The following SIPA1L2 variants were observed in gnomAD, a reference collection of about 807,000 sequenced individuals.
SIPA1L2 encodes the protein signal induced proliferation associated 1 like 2.
In SIPA1L2, 56 loss-of-function variants were observed where a neutral mutation model predicts 163.9. The observed-to-expected ratio is 0.34, with a 90% CI of 0.28 to 0.43. The LOEUF (loss-of-function observed/expected upper bound fraction) is 0.43. Among genes scored for constraint, SIPA1L2 ranks in the 20% least tolerant of loss-of-function variants. SIPA1L2 has a pLI of 1.00. For missense variants in SIPA1L2, 1,974 were observed against 2,193.5 expected, an observed-to-expected ratio of 0.90 and a Z score of 2.00; for synonymous variants, 877 against 865.7, an observed-to-expected ratio of 1.01 and a Z score of -0.23.
At chr1:232,423,235 T>C (rs2102804631) in intron 18 of SIPA1L2, among the ~76,000 whole-genome samples, 1 of 152,338 alleles carries the variant, frequency 6.6e-6, no homozygotes, top group South Asian at 2.1e-4. Flanking sequence ...GTTCAGTAGG[T>C]TAGGTCGCCA....
chr1:232,422,127 GC>G (rs1199610790), intron 18 of SIPA1L2, among the ~76,000 whole-genome samples: 2 of 152,058 alleles, frequency 1.3e-5, no homozygotes, highest in African/African-American at 4.8e-5. Flanking sequence ...TCTCACCTGG[GC>G]CCTTAAATAA....
At chr1:232,401,909 T>C (rs917178933) in intron 22 of SIPA1L2, among the ~76,000 whole-genome samples, 4 of 152,212 alleles carry the variant, frequency 2.6e-5, no homozygotes, top group African/African-American at 9.7e-5. Flanking sequence ...CTCAGCCAAG[T>C]ATTTGTGGGA....
chr1:232,455,714 CAAA>C (rs1359853284), intron 10 of SIPA1L2, among the ~76,000 whole-genome samples: 3 of 82,758 alleles, frequency 3.6e-5, no homozygotes, highest in Non-Finnish European at 2.4e-5. Flanking sequence ...GACTCTGTCT[CAAA>C]AAAAAAAAAA....
At chr1:232,569,541 G>T (rs1230876692) in intron 2 of SIPA1L2, among the ~76,000 whole-genome samples, 1 of 152,212 alleles carries the variant, frequency 6.6e-6, no homozygotes, top group African/African-American at 2.4e-5. Flanking sequence ...GGCCAGGCAT[G>T]GTGGCTCACA....
At chr1:232,542,352 T>C (rs1558256541) in intron 2 of SIPA1L2, among the ~76,000 whole-genome samples, 1 of 152,210 alleles carries the variant, frequency 6.6e-6, no homozygotes, top group Non-Finnish European at 1.5e-5. Context: ...ATTTCATCTA[T>C]CAGAAATTAC....
chr1:232,505,856 A>T (rs1666708688), intron 3 of SIPA1L2, among the ~76,000 whole-genome samples: 1 of 152,096 alleles, frequency 6.6e-6, no homozygotes, highest in African/African-American at 2.4e-5. Flanking sequence ...GAATAGTACT[A>T]TTGTTAGATG....
chr1:232,538,834 G>A (rs1049226489), intron 2 of SIPA1L2, among the ~76,000 whole-genome samples: 1 of 152,144 alleles, frequency 6.6e-6, no homozygotes, highest in African/African-American at 2.4e-5. Context: ...GGGTGGGTGA[G>A]CTGACTCACC....
At chr1:232,534,043 A>G (rs1461988401) in intron 2 of SIPA1L2, among the ~76,000 whole-genome samples, 1 of 152,198 alleles carries the variant, frequency 6.6e-6, no homozygotes, top group African/African-American at 2.4e-5. Context: ...AAACTATCCT[A>G]AAATTCATAT....
intron 7 of SIPA1L2, among the ~76,000 whole-genome samples, chr1:232,476,364 C>A (rs1032707045): frequency 6.6e-6 from 1 of 152,154 alleles, no homozygotes; most frequent in Non-Finnish European, 1.5e-5. Context: ...AACACAGCAG[C>A]TAAAATGTTA....
At chr1:232,535,886 A>G (rs1175954815) in intron 2 of SIPA1L2, among the ~76,000 whole-genome samples, 1 of 152,254 alleles carries the variant, frequency 6.6e-6, no homozygotes, top group Admixed American at 6.5e-5. Context: ...TAAGTGAGGC[A>G]GACTGCTCAT....
At chr1:232,554,755 G>A (rs1161798398) in intron 2 of SIPA1L2, among the ~76,000 whole-genome samples, 4 of 152,230 alleles carry the variant, frequency 2.6e-5, no homozygotes, top group African/African-American at 7.2e-5. Context: ...CAAGTTGGGT[G>A]TTGTTCCCAG....
At chr1:232,492,181 A>T (rs1665964655) in intron 4 of SIPA1L2, among the ~76,000 whole-genome samples, 1 of 152,132 alleles carries the variant, frequency 6.6e-6, no homozygotes, top group Admixed American at 6.5e-5. Flanking sequence ...ACAGGGGTAC[A>T]CATGTTCATG....
chr1:232,528,295 A>G (rs1383593676), intron 2 of SIPA1L2, among the ~76,000 whole-genome samples: 1 of 152,096 alleles, frequency 6.6e-6, no homozygotes, highest in Non-Finnish European at 1.5e-5. Flanking sequence ...AGACAAGGAA[A>G]AAGTCTTAGG....
chr1:232,618,570 C>T (rs1393593587), intron 1 of SIPA1L2, among the ~76,000 whole-genome samples: 1 of 151,442 alleles, frequency 6.6e-6, no homozygotes, highest in Non-Finnish European at 1.5e-5. Flanking sequence ...AGGAGAATCG[C>T]TTCAACCCAA....
intron 7 of SIPA1L2, 138 bp downstream of exon 7, chr1:232,479,487 CAA>C: frequency 1.0e-5 from 7 of 667,170 alleles, no homozygotes; most frequent in Non-Finnish European, 1.6e-5. Flanking sequence ...TCCAAATGAT[CAA>C]AGAGTCAAAG....
chr1:232,445,720 G>T lies in SIPA1L2; in HGVS notation c.3162C>A (p.Cys1054Ter). The T allele has an allele frequency of 6.2e-7, 1 of 1,613,666 alleles. No homozygotes were observed. Residue 1054 changes from cysteine (C) to a stop codon, truncating the protein, a stop_gained, in exon 11 of 23, where the codon TGC becomes TGA. Transcript: ENST00000674635. LOFTEE classifies it high-confidence loss of function. ...EYKLDSEGTP[C>*]EYKTPFRRNT... ...TCCTCCTGAAGGGGGTTTTATACTCGCAGGGGGTGCCCTCGCTGTCGAGTT... is the reference window on the plus strand; with the variant it reads ...TCCTCCTGAAGGGGGTTTTATACTCTCAGGGGGTGCCCTCGCTGTCGAGTT...
chr1:232,439,391 G>A lies in SIPA1L2; in HGVS notation c.3748C>T (p.Pro1250Ser), dbSNP rs1432779525. ...KHFGSGDLMD[P>S]ELLGLTYIKG... ...ATGTAGGTCAGCCCCAGTAATTCGG[G>A]GTCCATCAGGTCGCCAGACCCAAAG... Residue 1250 changes from proline to serine, a missense_variant, in exon 15 of 23, where the codon CCC becomes TCC. Pro to Ser is a moderately conservative substitution (Grantham distance 74). This residue lies in a region of SIPA1L2 where 1,079 missense variants were observed against 1,150.7 expected (regional missense o/e 0.94). Coordinates refer to ENST00000674635, the MANE Select transcript of SIPA1L2 (RefSeq NM_020808.5). The A allele has an allele frequency of 2.5e-6, 4 of 1,614,088 alleles. No homozygotes were observed. Among genetic ancestry groups the A allele is most frequent in the East Asian group, 2.2e-5 (1 of 44,892 alleles).
At chr1:232,527,226 G>A (rs188543308) in intron 2 of SIPA1L2, among the ~76,000 whole-genome samples, 1 of 152,338 alleles carries the variant, frequency 6.6e-6, no homozygotes, top group Non-Finnish European at 1.5e-5. Flanking sequence ...AAAGAGGACA[G>A]GAGCAGAAAG....
chr1:232,523,934 C>A (rs1199338078), intron 2 of SIPA1L2, among the ~76,000 whole-genome samples: 1 of 152,140 alleles, frequency 6.6e-6, no homozygotes, highest in Non-Finnish European at 1.5e-5. Flanking sequence ...GAAAATCCTG[C>A]CAATCCATAC....
Sources: gnomAD v4.1 joint callset for allele counts (sites outside exome capture counted in the v4.1 genomes callset) on GRCh38, gnomAD v4.1.1 for gene constraint, gnomAD v4.1.1 regional missense constraint, MANE v1.5 for transcripts, NCBI Gene and HGNC (gene_info 2026-07-23, HGNC 2026-07-21) for gene names.